Variants in CXADR observed in about 807,000 individuals in gnomAD.
CXADR encodes the protein CXADR cell adhesion molecule.
CXADR carries 20 observed loss-of-function variants against 40.3 expected under a neutral mutation model. The observed-to-expected ratio is 0.50, with a 90% confidence interval of 0.35 to 0.72. CXADR has a LOEUF of 0.72. CXADR is among the 30% of genes least tolerant of loss of function. The probability of loss-of-function intolerance (pLI) is 0.01; values close to 1 mark genes in which losing one functional copy is unlikely to be tolerated. For missense variants in CXADR, 332 were observed against 449.1 expected, an observed-to-expected ratio of 0.74 and a Z score of 2.36; for synonymous variants, 150 against 161.3, an observed-to-expected ratio of 0.93 and a Z score of 0.53.
intron 1 of CXADR, among the ~76,000 whole-genome samples, chr21:17,520,195 A>G (rs2060513161): frequency 6.6e-6 from 1 of 152,172 alleles, no homozygotes; most frequent in African/African-American, 2.4e-5. Flanking sequence ...GTGCAAAGCC[A>G]TGTGCCAGGT....
downstream of CXADR, among the ~76,000 whole-genome samples, chr21:17,598,320 T>G (rs1371061763): frequency 6.6e-6 from 1 of 152,172 alleles, no homozygotes; most frequent in East Asian, 1.9e-4. Flanking sequence ...AGTGGTAACT[T>G]TTGAATGAGA....
At chr21:17,623,219 G>A in the CXADR span, among the ~76,000 whole-genome samples, 1 of 152,090 alleles carries the variant, frequency 6.6e-6, no homozygotes, top group Admixed American at 6.6e-5. Context: ...GAGATTTACA[G>A]GTGTGAGCCA....
chr21:17,562,529 C>T (rs2061138724), intron 6 of CXADR, among the ~76,000 whole-genome samples: 1 of 152,184 alleles, frequency 6.6e-6, no homozygotes, highest in Non-Finnish European at 1.5e-5. Flanking sequence ...ACCATGTTGC[C>T]AAGGGTGGTC....
chr21:17,611,907 T>C, the CXADR span: 1 of 152,226 alleles, frequency 6.6e-6, no homozygotes, highest in Non-Finnish European at 1.5e-5. Flanking sequence ...TTTCTCCTGA[T>C]AGACGTTCCC....
intron 2 of CXADR, among the ~76,000 whole-genome samples, chr21:17,549,212 G>A (rs1209791567): frequency 1.3e-5 from 2 of 152,136 alleles, no homozygotes; most frequent in African/African-American, 4.8e-5. Flanking sequence ...GGAAACAGAG[G>A]CCCAGAGATT....
At chr21:17,522,817 T>C (rs2060548321) in intron 1 of CXADR, among the ~76,000 whole-genome samples, 2 of 152,176 alleles carry the variant, frequency 1.3e-5, no homozygotes, top group Admixed American at 1.3e-4. Context: ...ATTTCTAGTC[T>C]CCCTTCTCCA....
intron 1 of CXADR, among the ~76,000 whole-genome samples, chr21:17,534,007 A>T (rs1197629914): frequency 1.9e-4 from 17 of 87,912 alleles, no homozygotes; most frequent in African/African-American, 3.5e-4. Flanking sequence ...CTTTCTCAGC[A>T]ATATATATAT....
intron 1 of CXADR, among the ~76,000 whole-genome samples, chr21:17,527,704 A>G (rs1222549462): frequency 6.6e-6 from 1 of 151,650 alleles, no homozygotes; most frequent in Non-Finnish European, 1.5e-5. Context: ...TCTCTAAACC[A>G]TTTTTCCTTC....
chr21:17,551,666 A>G, intron 2 of CXADR, 83 bp from the exon 3 acceptor site: 5 of 1,156,368 alleles, frequency 4.3e-6, no homozygotes, highest in Middle Eastern at 4.1e-4. Flanking sequence ...CTGTAGCAGC[A>G]GGTGTATCCA....
At chr21:17,624,853 C>T in the CXADR span, among the ~76,000 whole-genome samples, 2 of 152,118 alleles carry the variant, frequency 1.3e-5, no homozygotes, top group Non-Finnish European at 2.9e-5. Context: ...AATTACGAAG[C>T]TCATTACACA....
In CXADR at chr21:17,561,372, T is replaced by C; in HGVS notation, c.729T>C (p.Ile243=). The part of the protein sequence containing the change: ...SNKAGLIAGA[I]IGTLLALALI... ...AAGCTGGACTAATTGCAGGAGCCAT[T>C]ATAGGAACTTTGCTTGCTCTAGCGC... The change falls in exon 6 of 7, where the codon ATT becomes ATC. Residue 243 remains isoleucine, a synonymous_variant. Transcript: ENST00000284878. The C allele has an allele frequency of 1.2e-6, 2 of 1,605,196 alleles. No homozygotes were observed. The highest frequency in any genetic ancestry group is 1.7e-6 in the Non-Finnish European group (2 of 1,175,866).
At chr21:17,587,116 A>G (rs1255647815) in intron 7 of CXADR, among the ~76,000 whole-genome samples, 1 of 152,010 alleles carries the variant, frequency 6.6e-6, no homozygotes, top group Non-Finnish European at 1.5e-5. Context: ...TATGTGCCAC[A>G]TTTTCTTAAT....
intron 7 of CXADR, among the ~76,000 whole-genome samples, chr21:17,586,033 T>G (rs2061393399): frequency 6.6e-6 from 1 of 152,210 alleles, no homozygotes; most frequent in African/African-American, 2.4e-5. Context: ...GAATATAGTA[T>G]TTAGCTAAGC....
chr21:17,601,661 G>A, the CXADR span, among the ~76,000 whole-genome samples: 1 of 152,294 alleles, frequency 6.6e-6, no homozygotes, highest in East Asian at 1.9e-4. Context: ...CCCCTCCACA[G>A]TTGGAAGACT....
rs76155236 is a variant in CXADR at position 17,590,103 on chromosome 21, A to G, written c.1018-3049A>G. ...TATATATGTATACACACAAATAAAC[A>G]TTTTTTAGCCATGGCATTGCTGTCT... On this transcript the variant is annotated intron_variant, in intron 7 of 7. Transcript: ENST00000400169. Among the ~76,000 whole-genome samples, 966 of 152,140 alleles carry G rather than the reference A, an allele frequency of 6.3e-3. 59 individuals carry two copies. The East Asian group carries it at 0.13, about 21-fold the overall frequency.
At position 17,569,769 on chromosome 21, in the gene CXADR, G is replaced by A. The variant is rs2061260991; in HGVS notation, c.*4077G>A. 1.0e-6 allele frequency: 1 copy of A among 984,820 alleles called. No individual in the cohort carries two copies. Among genetic ancestry groups the A allele is most frequent in the Non-Finnish European group, 1.2e-6 (1 of 829,556 alleles). The allele number at this position is 984,820 out of a possible 1,614,324, so 61.0% of individuals were successfully genotyped here. ...TTGGTTTTGGTCATCGAGACTAAAA[G>A]CTCCATCAAAACAGAACTTTGTGTT... is the stretch of plus-strand genomic sequence containing the variant. On this transcript the variant is annotated 3_prime_UTR_variant, in exon 7 of 7. Transcript: ENST00000284878.
the CXADR span, among the ~76,000 whole-genome samples, chr21:17,625,740 A>G: frequency 4.6e-5 from 7 of 152,138 alleles, no homozygotes; most frequent in Non-Finnish European, 8.8e-5. Flanking sequence ...TCTCTTATAC[A>G]TTTCCTCGTT....
intron 1 of CXADR, among the ~76,000 whole-genome samples, chr21:17,520,702 T>G (rs1030293045): frequency 6.6e-6 from 1 of 152,186 alleles, no homozygotes; most frequent in Non-Finnish European, 1.5e-5. Flanking sequence ...CAGTCCCTGT[T>G]GAAACGCAGC....
At chr21:17,630,650 C>CTTTTTTTTTTTTTTTTTTT in the CXADR span, among the ~76,000 whole-genome samples, 1 of 116,956 alleles carries the variant, frequency 8.6e-6, no homozygotes, top group East Asian at 2.5e-4. Flanking sequence ...CTTCCTTCTT[C>CTTTTTTTTTTTTTTTTTTT]TTTTTTTTTT....
Sources: allele counts gnomAD v4.1 joint callset (sites outside exome capture counted in the v4.1 genomes callset), GRCh38; gene constraint gnomAD v4.1.1; transcripts MANE v1.5; gene names NCBI Gene and HGNC (gene_info 2026-07-23, HGNC 2026-07-21).